The following PRKN variants were observed in gnomAD, a reference collection of about 807,000 sequenced individuals.
PRKN encodes the protein E3 ubiquitin-protein ligase parkin.
Under a neutral mutation model 59.5 loss-of-function variants are expected in PRKN, and 56 were observed. The ratio of observed to expected loss-of-function variants is 0.94; its 90% CI spans 0.76 to 1.18. The LOEUF (loss-of-function observed/expected upper bound fraction) is 1.18, where lower values mean the gene tolerates loss of function less well. PRKN is among the 50% of genes most tolerant of loss of function. The pLI, the probability that PRKN is intolerant of heterozygous loss-of-function variation, is 0.00. For missense variants in PRKN, 657 were observed against 596.4 expected, an observed-to-expected ratio of 1.10 and a Z score of -1.06; for synonymous variants, 250 against 222.1, an observed-to-expected ratio of 1.13 and a Z score of -1.12.
chr6:162,426,262 T>C (rs1413571345), intron 2 of PRKN, among the ~76,000 whole-genome samples: 1 of 152,022 alleles, frequency 6.6e-6, no homozygotes, highest in East Asian at 1.9e-4. Flanking sequence ...GAGTAGACGG[T>C]TCAAAATAGA....
At chr6:161,766,332 A>G (rs1195388053) in intron 7 of PRKN, among the ~76,000 whole-genome samples, 3 of 48,986 alleles carry the variant, frequency 6.1e-5, no homozygotes, top group Admixed American at 5.5e-4. Context: ...TTTTTTAGAC[A>G]GAGTCTCGAT....
Position 161,373,534 on chromosome 6 carries a change from C to T in PRKN, c.1167+13260G>A, listed in dbSNP as rs1048874542. Among the ~76,000 whole-genome samples the T allele has an allele frequency of 6.6e-6, 1 of 151,490 alleles. No individual in the cohort carries two copies. The stretch of plus-strand genomic sequence containing the variant: ...TGCTTACAGGGGTGCTGAGTTTAAA[C>T]GAGCTATGCCTCTGTGTTTGCAGGG... On this transcript the variant is annotated intron_variant, in intron 10 of 11. Coordinates refer to ENST00000366898, the MANE Select transcript of PRKN (RefSeq NM_004562.3). The surrounding 1 kb of genome is among the most constrained non-coding windows in gnomAD (Gnocchi z 4.8).
chr6:162,305,595 G>GTTT (rs1782185000), intron 2 of PRKN, among the ~76,000 whole-genome samples: 1 of 152,078 alleles, frequency 6.6e-6, no homozygotes, highest in African/African-American at 2.4e-5. Flanking sequence ...CTGAAGATAA[G>GTTT]AAAACTATGA....
At chr6:162,223,015 C>T (rs796868579) in intron 3 of PRKN, among the ~76,000 whole-genome samples, 1 of 135,532 alleles carries the variant, frequency 7.4e-6, no homozygotes, top group East Asian at 2.6e-4. Flanking sequence ...CCCCTCCCCC[C>T]ACCGCACAAT....
intron 1 of PRKN, among the ~76,000 whole-genome samples, chr6:162,563,841 C>G (rs757775699): frequency 1.1e-4 from 16 of 152,030 alleles, no homozygotes; most frequent in Non-Finnish European, 2.1e-4. Flanking sequence ...TAAAAAGAAT[C>G]AAGCAGAAAT....
intron 9 of PRKN, among the ~76,000 whole-genome samples, chr6:161,541,944 C>T (rs1779630456): frequency 6.6e-6 from 1 of 152,118 alleles, no homozygotes; most frequent in Non-Finnish European, 1.5e-5. Flanking sequence ...TTTCTATGTG[C>T]AGCTGACCCT....
intron 7 of PRKN, among the ~76,000 whole-genome samples, chr6:161,741,255 G>A (rs1378564923): frequency 2.0e-5 from 3 of 152,172 alleles, no homozygotes; most frequent in Non-Finnish European, 4.4e-5. Flanking sequence ...GGGTAATTCC[G>A]TGGATTTATT....
At chr6:161,914,193 C>G (rs559087167) in intron 6 of PRKN, among the ~76,000 whole-genome samples, 7 of 152,050 alleles carry the variant, frequency 4.6e-5, no homozygotes, top group Non-Finnish European at 8.8e-5. Context: ...AGCTATACAA[C>G]GTAACACTGT....
intron 1 of PRKN, among the ~76,000 whole-genome samples, chr6:162,615,273 T>G (rs1782356356): frequency 6.6e-6 from 1 of 152,214 alleles, no homozygotes; most frequent in Non-Finnish European, 1.5e-5. Context: ...TTATTTTTTT[T>G]GATAATGTTC....
At chr6:162,392,295 A>G (rs1787242753) in intron 2 of PRKN, among the ~76,000 whole-genome samples, 1 of 152,296 alleles carries the variant, frequency 6.6e-6, no homozygotes, top group East Asian at 1.9e-4. Flanking sequence ...GAGACCACAC[A>G]GAGCCTTTCC....
intron 2 of PRKN, among the ~76,000 whole-genome samples, chr6:162,283,274 G>A (rs1275743709): frequency 6.6e-6 from 1 of 152,050 alleles, no homozygotes; most frequent in African/African-American, 2.4e-5. Flanking sequence ...TTATCTTTAT[G>A]CCAATAAGTC....
intron 6 of PRKN, among the ~76,000 whole-genome samples, chr6:161,851,892 G>A (rs1390729484): frequency 6.6e-6 from 1 of 151,374 alleles, no homozygotes; most frequent in Non-Finnish European, 1.5e-5. Flanking sequence ...TTTGAGACCA[G>A]CCTGGCCAAC....
In PRKN at chr6:161,450,312, C is replaced by T. The variant is rs146693303; in HGVS notation, c.1084-63435G>A. 1.8e-3 allele frequency among the ~76,000 whole-genome samples: 269 copies of T among 152,300 alleles called. 1 individual carries two copies. The highest frequency in any genetic ancestry group is 3.4e-3 in the Middle Eastern group (1 of 294). On this transcript the variant is annotated intron_variant, in intron 9 of 11. Coordinates refer to ENST00000366898, the MANE Select transcript of PRKN (RefSeq NM_004562.3). ...TGAAAAATGATGTCTTCCTACGCCT[C>T]CCTGACTCAACCAGAAGCTCACAGG...
intron 1 of PRKN, among the ~76,000 whole-genome samples, chr6:162,596,009 GAA>G (rs560811351): frequency 9.6e-4 from 141 of 146,656 alleles, no homozygotes; most frequent in African/African-American, 3.4e-3. Context: ...TACATCTGGT[GAA>G]AAAAAAAAAT....
chr6:161,977,542 G>GTTTTTTTTTTTTTTTTTTTTT, intron 5 of PRKN, among the ~76,000 whole-genome samples: 1 of 104,522 alleles, frequency 9.6e-6, no homozygotes, highest in Non-Finnish European at 1.9e-5. Context: ...TGTTTTTTTG[G>GTTTTTTTTTTTTTTTTTTTTT]TTTTTTTTTT....
At chr6:162,210,889 A>C (rs568018582) in intron 3 of PRKN, among the ~76,000 whole-genome samples, 34 of 152,208 alleles carry the variant, frequency 2.2e-4, no homozygotes, top group Non-Finnish European at 4.3e-4. Flanking sequence ...ATGGTACTAA[A>C]GGGGATTCAA....
At chr6:161,994,948 T>C (rs1029305936) in intron 5 of PRKN, among the ~76,000 whole-genome samples, 1 of 149,308 alleles carries the variant, frequency 6.7e-6, no homozygotes, top group Non-Finnish European at 1.5e-5. Flanking sequence ...AGTCCTAAAA[T>C]ATGTATGGAA....
At chr6:161,982,437 G>A (rs7757043) in intron 5 of PRKN, among the ~76,000 whole-genome samples, 30,992 of 82,234 alleles carry the variant, frequency 0.38, 6,617 homozygotes, top group Middle Eastern at 0.54. Flanking sequence ...AAAAGAGCCC[G>A]CATTGCCAAG....
intron 1 of PRKN, among the ~76,000 whole-genome samples, chr6:162,449,050 G>A (rs1036062824): frequency 6.6e-6 from 1 of 151,856 alleles, no homozygotes; most frequent in South Asian, 2.1e-4. Flanking sequence ...ACCACACCCA[G>A]CAATTTTTGT....
Sources: allele counts gnomAD v4.1 joint callset (sites outside exome capture counted in the v4.1 genomes callset), GRCh38; gene constraint gnomAD v4.1.1; non-coding constraint Gnocchi (gnomAD v3.1); transcripts MANE v1.5; gene names NCBI Gene and HGNC (gene_info 2026-07-23, HGNC 2026-07-21).